Variants in DCDC1 observed in about 807,000 individuals in gnomAD.
DCDC1 encodes doublecortin domain containing 1, also known as doublecortin domain-containing protein 1.
Under a neutral mutation model 178.3 loss-of-function variants are expected in DCDC1, and 200 were observed. The observed-to-expected ratio is 1.12, with a 90% CI of 1.00 to 1.26. DCDC1 has a LOEUF of 1.26. DCDC1 is among the 50% of genes most tolerant of loss of function. DCDC1 has a pLI of 0.00. For missense variants in DCDC1, 1,983 were observed against 1,749.2 expected (o/e 1.13, Z -2.38); for synonymous variants, 690 against 604.8 (o/e 1.14, Z -2.07).
intron 9 of DCDC1, among the ~76,000 whole-genome samples, chr11:31,187,225 A>G (rs1308042298): frequency 2.6e-5 from 4 of 152,238 alleles, no homozygotes; most frequent in African/African-American, 7.2e-5. Context: ...TGTTGAATGA[A>G]TAAGACCACA....
chr11:30,920,441 C>T (rs1453427718), intron 25 of DCDC1, among the ~76,000 whole-genome samples: 3 of 152,084 alleles, frequency 2.0e-5, no homozygotes, highest in Non-Finnish European at 4.4e-5. Context: ...TCAACTTGAA[C>T]TTAGGGAAGA....
intron 20 of DCDC1, among the ~76,000 whole-genome samples, chr11:31,011,615 C>T (rs2135121167): frequency 6.6e-6 from 1 of 152,242 alleles, no homozygotes; most frequent in East Asian, 1.9e-4. Context: ...AGTCTGACAA[C>T]ACATCATCCC....
intron 9 of DCDC1, among the ~76,000 whole-genome samples, chr11:31,228,758 C>T (rs1975350603): frequency 6.6e-6 from 1 of 152,028 alleles, no homozygotes; most frequent in East Asian, 1.9e-4. Flanking sequence ...ATATTATAAA[C>T]ATCTTTATGT....
intron 9 of DCDC1, among the ~76,000 whole-genome samples, chr11:31,164,749 T>C (rs988388830): frequency 6.6e-6 from 1 of 152,116 alleles, no homozygotes; most frequent in African/African-American, 2.4e-5. Context: ...AGATATAAAA[T>C]TGTTTTAATA....
intron 1 of DCDC1, among the ~76,000 whole-genome samples, chr11:31,354,914 T>C (rs1486228042): frequency 6.6e-6 from 1 of 152,158 alleles, no homozygotes; most frequent in Non-Finnish European, 1.5e-5. Flanking sequence ...GGTATTTCCT[T>C]ATTTTTTTTC....
At chr11:30,915,817 G>T in intron 26 of DCDC1, 106 bp from the exon 27 acceptor site, 1 of 1,105,626 alleles carries the variant, frequency 9.0e-7, no homozygotes. Flanking sequence ...GCTCCAACGT[G>T]AAACACGTTA....
chr11:31,286,025 C>A (rs939753472), intron 7 of DCDC1, among the ~76,000 whole-genome samples: 4 of 151,972 alleles, frequency 2.6e-5, no homozygotes, highest in Admixed American at 2.0e-4. Flanking sequence ...TACAGGAGAA[C>A]AAGCAAAAAG....
At chr11:31,066,897 A>G (rs1017233028) in intron 18 of DCDC1, among the ~76,000 whole-genome samples, 1 of 152,180 alleles carries the variant, frequency 6.6e-6, no homozygotes, top group Non-Finnish European at 1.5e-5. Flanking sequence ...TTCACCAGTT[A>G]TAACAAATGT....
At chr11:30,940,654 TTTGACAATTATATCGA>T (rs1458256972) in intron 21 of DCDC1, among the ~76,000 whole-genome samples, 3 of 152,144 alleles carry the variant, frequency 2.0e-5, no homozygotes, top group Non-Finnish European at 4.4e-5. Context: ...CTTAATCAGT[TTTGACAATTATATCGA>T]TTTTATTAAT....
chr11:31,062,860 T>C (rs1956016394), intron 20 of DCDC1, among the ~76,000 whole-genome samples: 2 of 151,524 alleles, frequency 1.3e-5, no homozygotes, highest in African/African-American at 2.4e-5. Context: ...GTTTGTTACA[T>C]ATGTATACAT....
At chr11:30,968,639 A>T (rs1949581254) in intron 20 of DCDC1, among the ~76,000 whole-genome samples, 1 of 145,494 alleles carries the variant, frequency 6.9e-6, no homozygotes, top group Admixed American at 6.9e-5. Flanking sequence ...ATATGGTTTG[A>T]TATTATCTGT....
intron 7 of DCDC1, among the ~76,000 whole-genome samples, chr11:31,272,243 C>T (rs1314333360): frequency 6.6e-6 from 1 of 151,668 alleles, no homozygotes; most frequent in Non-Finnish European, 1.5e-5. Context: ...GCCACCATGA[C>T]TCAATTACCT....
At chr11:31,312,604 G>C (rs1004011177) in intron 3 of DCDC1, 2 of 152,190 alleles carry the variant, frequency 1.3e-5, no homozygotes, top group Non-Finnish European at 2.9e-5. Context: ...GGCAAAGAAG[G>C]TTGGAATCTG....
chr11:31,213,227 CACCCCAG>C (rs1973016320), intron 9 of DCDC1, among the ~76,000 whole-genome samples: 1 of 148,118 alleles, frequency 6.8e-6, no homozygotes, highest in Non-Finnish European at 1.5e-5. Flanking sequence ...TCAGTCACTT[CACCCCAG>C]TCTGGTTGGA....
At chr11:31,205,706 C>T (rs963159829) in intron 9 of DCDC1, among the ~76,000 whole-genome samples, 2 of 152,088 alleles carry the variant, frequency 1.3e-5, no homozygotes, top group Non-Finnish European at 2.9e-5. Context: ...CACCTTAGCC[C>T]TCTTAGCCTT....
chr11:31,032,555 G>T (rs138805718), intron 20 of DCDC1, among the ~76,000 whole-genome samples: 6 of 147,726 alleles, frequency 4.1e-5, no homozygotes, highest in Non-Finnish European at 7.4e-5. Flanking sequence ...ATATGCCTCA[G>T]TAAAAAAAAA....
At chr11:31,331,899 G>T (rs1205087487) in intron 2 of DCDC1, among the ~76,000 whole-genome samples, 3 of 152,142 alleles carry the variant, frequency 2.0e-5, no homozygotes, top group Non-Finnish European at 4.4e-5. Flanking sequence ...CTCATAAAAT[G>T]AGTTAGGGAT....
chr11:31,102,340 T>C, intron 14 of DCDC1, 58 bp from the exon 15 acceptor site: 1 of 602,404 alleles, frequency 1.7e-6, no homozygotes, highest in Non-Finnish European at 3.1e-6. Context: ...TTAATTACAA[T>C]GCCCTTTACT....
At chr11:31,369,374 G>A (rs541357085) in intron 1 of DCDC1, among the ~76,000 whole-genome samples, 49 of 152,224 alleles carry the variant, frequency 3.2e-4, no homozygotes, top group African/African-American at 1.1e-3. Context: ...AGCCCTACCT[G>A]GCATAGGTTT....
Sources: allele counts gnomAD v4.1 joint callset (sites outside exome capture counted in the v4.1 genomes callset), GRCh38; gene constraint gnomAD v4.1.1; transcripts MANE v1.5; gene names NCBI Gene and HGNC (gene_info 2026-07-23, HGNC 2026-07-21).